The following SYNJ2 variants were observed in gnomAD, a reference collection of about 807,000 sequenced individuals.
SYNJ2 encodes polyphosphatidylinositol phosphatase SYNJ2.
Under a neutral mutation model 141.3 loss-of-function variants are expected in SYNJ2, and 116 were observed. That is an observed-to-expected ratio of 0.82 (90% CI 0.71 to 0.96). SYNJ2 has a LOEUF of 0.96. SYNJ2 is among the 40% of genes least tolerant of loss of function. The probability of loss-of-function intolerance (pLI) is 0.00; values close to 1 mark genes in which losing one functional copy is unlikely to be tolerated. For missense variants in SYNJ2, 1,873 were observed against 1,934.8 expected, an observed-to-expected ratio of 0.97 and a Z score of 0.60; for synonymous variants, 745 against 777.7, an observed-to-expected ratio of 0.96 and a Z score of 0.70.
chr6:158,059,122 T>G, intron 6 of SYNJ2, 135 bp from the exon 7 acceptor site: 3 of 915,264 alleles, frequency 3.3e-6, no homozygotes, highest in Non-Finnish European at 4.5e-6. Flanking sequence ...ATTTGGGTCA[T>G]GGGGGACAGC....
chr6:158,070,511 G>C lies in SYNJ2; in HGVS notation c.1940+838G>C. 3 of 985,506 alleles carry C rather than the reference G, an allele frequency of 3.0e-6. No individual in the cohort carries two copies. The highest frequency in any genetic ancestry group is 2.4e-6 in the Non-Finnish European group (2 of 830,010). 61.0% of individuals were successfully genotyped at this position (985,506 alleles called of 1,614,324 possible). On this transcript the variant is annotated intron_variant, in intron 14 of 26. Coordinates refer to ENST00000355585, the MANE Select transcript of SYNJ2 (RefSeq NM_003898.4). This position sits in a 1 kb window ranked among gnomAD's most constrained non-coding sequence, Gnocchi z 4.0. ...GTCCTAGGTTAGCAGGTGAAGGTTA[G>C]TAAAGGTTAAAGGCAAGGGCGGGGT...
Position 158,015,559 on chromosome 6 carries a change from A to G in SYNJ2, c.128-1645A>G, listed in dbSNP as rs575707512. Among the ~76,000 whole-genome samples the G allele has an allele frequency of 8.5e-5, 13 of 152,294 alleles. No homozygotes were observed. In the South Asian group the frequency reaches 1.7e-3, roughly 19 times the overall value. ...AGGCAACAAAACCAGTATGTTAGCT[A>G]TGTCTGTGACTCTGTCACCAATGTG... is the stretch of plus-strand genomic sequence containing the variant. On this transcript the variant is annotated intron_variant, in intron 1 of 26. Transcript: ENST00000355585.
chr6:158,081,023 T>TG, intron 18 of SYNJ2, 86 bp from the exon 19 acceptor site: 1 of 1,248,566 alleles, frequency 8.0e-7, no homozygotes, highest in African/African-American at 1.5e-5. Flanking sequence ...TGTGGACATC[T>TG]GTCCCAGGCT....
chr6:158,059,201 CAG>C (rs1208288547), intron 6 of SYNJ2, 54 bp from the exon 7 acceptor site: 1 of 1,473,824 alleles, frequency 6.8e-7, no homozygotes, highest in Non-Finnish European at 9.0e-7. Context: ...CAGAACAGGG[CAG>C]AGTCTGCACC....
intron 3 of SYNJ2, among the ~76,000 whole-genome samples, chr6:158,031,104 C>G (rs1562339429): frequency 6.6e-6 from 1 of 152,126 alleles, no homozygotes; most frequent in East Asian, 1.9e-4. Flanking sequence ...TTGCAGGGCC[C>G]AGCATGTGCC....
intron 18 of SYNJ2, among the ~76,000 whole-genome samples, chr6:158,080,508 C>CT (rs1169943058): frequency 8.9e-5 from 13 of 145,722 alleles, no homozygotes; most frequent in Admixed American, 2.1e-4. Context: ...GAGCATTTCC[C>CT]TTTTTTTTTT....
At chr6:158,016,736 G>A (rs2128327394) in intron 1 of SYNJ2, among the ~76,000 whole-genome samples, 1 of 152,260 alleles carries the variant, frequency 6.6e-6, no homozygotes, top group Non-Finnish European at 1.5e-5. Flanking sequence ...AGCTTTCCTT[G>A]GGATGGGTTG....
At chr6:157,988,378 A>G (rs1248232603) in intron 1 of SYNJ2, among the ~76,000 whole-genome samples, 1 of 152,110 alleles carries the variant, frequency 6.6e-6, no homozygotes, top group African/African-American at 2.4e-5. Context: ...ATACTTTTCG[A>G]GGTAGGAGGA....
chr6:157,992,103 A>G (rs1170608009), intron 1 of SYNJ2, among the ~76,000 whole-genome samples: 2 of 152,236 alleles, frequency 1.3e-5, no homozygotes, highest in Admixed American at 6.5e-5. Context: ...CCATCCCCTC[A>G]CACATTTATC....
chr6:158,027,230 G>A lies in SYNJ2; in HGVS notation c.215-1526G>A. 7.1e-6 allele frequency: 7 copies of A among 980,182 alleles called. No individual in the cohort carries two copies. The highest frequency in any genetic ancestry group is 8.5e-6 in the Non-Finnish European group (7 of 825,154). 60.7% of individuals were successfully genotyped at this position (980,182 alleles called of 1,614,324 possible). The stretch of plus-strand genomic sequence containing the variant: ...TTTGGGGGTCTCTTCCTGGAGTGTG[G>A]AGAGATCAGAACCATCTCCAGACCA... On this transcript the variant is annotated intron_variant, in intron 2 of 26. Coordinates refer to ENST00000355585, the MANE Select transcript of SYNJ2 (RefSeq NM_003898.4). This position sits in a 1 kb window ranked among gnomAD's most constrained non-coding sequence, Gnocchi z 4.6.
chr6:158,095,482 C>A, intron 26 of SYNJ2, 136 bp from the exon 27 acceptor site: 1 of 1,179,152 alleles, frequency 8.5e-7, no homozygotes, highest in Non-Finnish European at 1.2e-6. Flanking sequence ...TGGCACCCCA[C>A]ACATTCTCAA....
chr6:158,063,983 C>A, intron 9 of SYNJ2, 111 bp downstream of exon 9: 2 of 1,117,738 alleles, frequency 1.8e-6, no homozygotes, highest in Admixed American at 2.0e-5. Context: ...ATCACCAAGA[C>A]AACCTTCTGA....
At chr6:157,991,926 T>G (rs923476355) in intron 1 of SYNJ2, among the ~76,000 whole-genome samples, 4 of 150,100 alleles carry the variant, frequency 2.7e-5, no homozygotes, top group Non-Finnish European at 5.9e-5. Flanking sequence ...AAATATGGAC[T>G]GTGCTGATTC....
chr6:158,084,689 G>A lies in SYNJ2; in HGVS notation c.3208+515G>A, dbSNP rs1782921799. 1.3e-5 allele frequency among the ~76,000 whole-genome samples: 2 copies of A among 152,142 alleles called. No homozygotes were observed. Among genetic ancestry groups the A allele is most frequent in the African/African-American group, 4.8e-5 (2 of 41,516 alleles). On this transcript the variant is annotated intron_variant, in intron 22 of 26. Transcript: ENST00000355585. This position sits in a 1 kb window ranked among gnomAD's most constrained non-coding sequence, Gnocchi z 5.0. ...GCAGGGCATGGTGGTGCACATGCCTGTAATCCCAGCTACTCAGGCAGCTGA... is the reference window on the plus strand; with the variant it reads ...GCAGGGCATGGTGGTGCACATGCCTATAATCCCAGCTACTCAGGCAGCTGA...
intron 15 of SYNJ2, among the ~76,000 whole-genome samples, chr6:158,073,109 T>C (rs1360573141): frequency 1.3e-5 from 2 of 151,800 alleles, no homozygotes; most frequent in African/African-American, 4.8e-5. Context: ...CATAGTAAAC[T>C]TGGGATACAT....
chr6:158,017,925 T>C (rs9459137), intron 2 of SYNJ2: 22,957 of 387,074 alleles, frequency 0.059, 886 homozygotes, highest in Non-Finnish European at 0.087. Context: ...GAAAGTCTGG[T>C]CTGGGGCTTC....
chr6:158,010,569 A>G (rs1778226327), intron 1 of SYNJ2, among the ~76,000 whole-genome samples: 1 of 152,214 alleles, frequency 6.6e-6, no homozygotes. Flanking sequence ...GGACGGGCCC[A>G]CCAAGTGAAA....
chr6:158,064,830 G>A lies in SYNJ2; in HGVS notation c.1364G>A (p.Gly455Glu), dbSNP rs777001742. The A allele has an allele frequency of 3.1e-6, 5 of 1,608,452 alleles. No individual in the cohort carries two copies. In the Admixed American group the frequency reaches 8.4e-5, roughly 27 times the overall value. ...SRALEGKAKV[G>E]KLKDGARSMS... ...TGCGGTCTGGGCTCTCGGCAGGTGG[G>A]GAAGCTGAAGGATGGAGCCCGGTCC... is the stretch of plus-strand genomic sequence containing the variant. The change falls in exon 11 of 27, where the codon GGG becomes GAG. Residue 455 changes from glycine (G) to glutamate (E), a missense_variant. Transcript: ENST00000355585.
intron 1 of SYNJ2, among the ~76,000 whole-genome samples, chr6:158,002,632 G>T (rs1001988933): frequency 6.6e-6 from 1 of 152,248 alleles, no homozygotes; most frequent in Non-Finnish European, 1.5e-5. Context: ...TTCCCTGGTG[G>T]CTAGGAAACA....
Sources: allele counts gnomAD v4.1 joint callset (sites outside exome capture counted in the v4.1 genomes callset), GRCh38; gene constraint gnomAD v4.1.1; non-coding constraint Gnocchi (gnomAD v3.1); transcripts MANE v1.5; gene names NCBI Gene and HGNC (gene_info 2026-07-23, HGNC 2026-07-21).